Variants in PHKA2 observed in about 807,000 individuals in gnomAD.
PHKA2 encodes phosphorylase b kinase regulatory subunit alpha, liver isoform.
Under a neutral mutation model 102.0 loss-of-function variants are expected in PHKA2, and 31 were observed. The ratio of observed to expected loss-of-function variants is 0.30; its 90% CI spans 0.23 to 0.41. The LOEUF is 0.41. PHKA2 is among the 10% of genes least tolerant of loss of function. The probability of loss-of-function intolerance (pLI) is 1.00; values close to 1 mark genes in which losing one functional copy is unlikely to be tolerated. For synonymous variants in PHKA2, 455 were observed against 416.2 expected (o/e 1.09, Z -1.13); for missense variants, 858 against 1,023.1 (o/e 0.84, Z 2.20).
chrX:18,931,424 T>G (rs2048312974), intron 12 of PHKA2, among the ~76,000 whole-genome samples: 1 of 111,112 alleles, frequency 9.0e-6, no homozygotes, highest in South Asian at 3.8e-4. Flanking sequence ...TGATGGGGAG[T>G]GCTGGGCCCT....
intron 30 of PHKA2, chrX:18,895,988 CT>C (rs1386450308): frequency 8.9e-6 from 1 of 111,760 alleles, no homozygotes; most frequent in Non-Finnish European, 1.9e-5. Flanking sequence ...CTGCTCCGAC[CT>C]CCTCACATCC....
intron 31 of PHKA2, 28 bp downstream of exon 31, chrX:18,895,110 G>A (rs2147806473): frequency 1.7e-6 from 2 of 1,197,821 alleles, no homozygotes; most frequent in Non-Finnish European, 2.3e-6. Flanking sequence ...CCACAGAGGG[G>A]CCCGCCTCTG....
intron 4 of PHKA2, among the ~76,000 whole-genome samples, chrX:18,950,701 T>A (rs1386135930): frequency 5.3e-5 from 6 of 112,825 alleles, no homozygotes; most frequent in African/African-American, 1.9e-4. Flanking sequence ...GCCAATGTGA[T>A]GGTATTAAGA....
chrX:18,900,307 C>T (rs967054543), intron 28 of PHKA2, among the ~76,000 whole-genome samples: 1 of 111,408 alleles, frequency 9.0e-6, no homozygotes. Flanking sequence ...CCCAGGCGAT[C>T]TGAGGACAGG....
intron 9 of PHKA2, among the ~76,000 whole-genome samples, chrX:18,939,510 T>C (rs1348875625): frequency 9.0e-6 from 1 of 111,593 alleles, no homozygotes; most frequent in Non-Finnish European, 1.9e-5. Flanking sequence ...GTTTTTGTTT[T>C]TGAGACGGAG....
At chrX:18,915,540 C>A (rs1185428880) in intron 19 of PHKA2, 9 of 90,425 alleles carry the variant, frequency 1.0e-4, no homozygotes, top group Non-Finnish European at 1.1e-4. Flanking sequence ...CCTGGCTAAT[C>A]TTTTTTTTTT....
At chrX:18,894,054 G>A in intron 32 of PHKA2, 150 bp downstream of exon 32, 1 of 561,399 alleles carries the variant, frequency 1.8e-6, no homozygotes, top group Non-Finnish European at 3.0e-6. Context: ...AGTGGCCACT[G>A]TACCATTTTC....
intron 10 of PHKA2, among the ~76,000 whole-genome samples, chrX:18,937,956 C>T (rs934650895): frequency 5.4e-5 from 6 of 111,988 alleles, no homozygotes; most frequent in Non-Finnish European, 3.8e-5. Context: ...GACAGCAAAC[C>T]ACTGGCTGAT....
At chrX:18,952,185 CAAAAAAA>C (rs1282109594) in intron 3 of PHKA2, among the ~76,000 whole-genome samples, 3 of 21,506 alleles carry the variant, frequency 1.4e-4, no homozygotes, top group African/African-American at 3.4e-4. Context: ...ATTGTATCTA[CAAAAAAA>C]AAAAAAAAAA....
chrX:18,895,206 G>A lies in PHKA2; in HGVS notation c.3283-15C>T. ...AGACCGTGGCACTGGAGGCAGAATA[G>A]AGCGCATTTCAGTCAGATTCCAGAA... On this transcript the variant is annotated splice_polypyrimidine_tract_variant and intron_variant, in intron 30 of 32. Transcript: ENST00000379942. 4 of 1,205,692 alleles carry A rather than the reference G, an allele frequency of 3.3e-6. No homozygotes were observed. The highest frequency in any genetic ancestry group is 4.5e-6 in the Non-Finnish European group (4 of 889,871).
At chrX:18,920,774 C>T (rs569331522) in intron 17 of PHKA2, among the ~76,000 whole-genome samples, 2 of 111,977 alleles carry the variant, frequency 1.8e-5, no homozygotes, top group African/African-American at 6.5e-5. Flanking sequence ...CCACTGAAAC[C>T]TGGACGCTGG....
rs2047871518 is a variant in PHKA2, at chrX:18,908,819, T to A, written c.2342A>T (p.Tyr781Phe). ...SNLQDQADIL[Y>F]ILYVIKGPSW... is the part of the protein sequence containing the mutation. The stretch of plus-strand genomic sequence containing the variant: ...CACTTACTTTATGACATAAAGAATG[T>A]ACAGAATGTCTGCTTGGTCCTGTAG... Residue 781 changes from tyrosine to phenylalanine, a missense_variant, in exon 21 of 33, where the codon TAC becomes TTC. Transcript: ENST00000379942. The A allele has an allele frequency of 1.7e-6, 2 of 1,207,306 alleles. No homozygotes were observed. Among genetic ancestry groups the A allele is most frequent in the Non-Finnish European group, 2.2e-6 (2 of 892,435 alleles).
intron 20 of PHKA2, among the ~76,000 whole-genome samples, chrX:18,909,891 C>T (rs1440207696): frequency 8.9e-6 from 1 of 112,093 alleles, no homozygotes; most frequent in Non-Finnish European, 1.9e-5. Context: ...CTGCTTTCTG[C>T]ACCATGCTGC....
At chrX:18,917,260 C>CTT (rs745473312) in intron 19 of PHKA2, among the ~76,000 whole-genome samples, 2 of 96,483 alleles carry the variant, frequency 2.1e-5, no homozygotes, top group Non-Finnish European at 4.2e-5. Flanking sequence ...AAAAAAATGT[C>CTT]TTTTTTTTTT....
In PHKA2 at chrX:18,893,669, G is replaced by A; in HGVS notation, c.3538-14C>T. 6 of 1,202,949 alleles carry A rather than the reference G, an allele frequency of 5.0e-6. No homozygotes were observed. The highest frequency in any genetic ancestry group is 6.8e-6 in the Non-Finnish European group (6 of 887,546). ...ACCAATTGACACCTGCAGTAGGAAA[G>A]GGCAGAGGGGACAATAAGCGGAGCC... On this transcript the variant is annotated splice_polypyrimidine_tract_variant and intron_variant, in intron 32 of 32. Coordinates refer to ENST00000379942, the MANE Select transcript of PHKA2 (RefSeq NM_000292.3).
chrX:18,970,326 G>A (rs976910483), intron 1 of PHKA2, among the ~76,000 whole-genome samples: 1 of 112,467 alleles, frequency 8.9e-6, no homozygotes, highest in Non-Finnish European at 1.9e-5. Context: ...CATATGTATT[G>A]CCCTACATAC....
chrX:18,936,840 A>G (rs1218469646), intron 10 of PHKA2, among the ~76,000 whole-genome samples: 1 of 112,293 alleles, frequency 8.9e-6, no homozygotes, highest in Non-Finnish European at 1.9e-5. Flanking sequence ...TGTGAGCGAC[A>G]GCAAAGGTGT....
At chrX:18,930,169 G>A (rs1455019885) in intron 12 of PHKA2, among the ~76,000 whole-genome samples, 1 of 111,968 alleles carries the variant, frequency 8.9e-6, no homozygotes, top group Non-Finnish European at 1.9e-5. Context: ...ATATCTGCAT[G>A]CCCTTTTTTC....
intron 30 of PHKA2, 38 bp downstream of exon 30, chrX:18,897,125 G>A (rs749719115): frequency 2.2e-5 from 26 of 1,200,200 alleles, no homozygotes; most frequent in Non-Finnish European, 2.6e-5. Flanking sequence ...ACAGTAAGGG[G>A]ACGGTTCACT....
Sources: allele counts gnomAD v4.1 joint callset (sites outside exome capture counted in the v4.1 genomes callset), GRCh38; gene constraint gnomAD v4.1.1; transcripts MANE v1.5; gene names NCBI Gene and HGNC (gene_info 2026-07-23, HGNC 2026-07-21).